Variants in NCALD observed in about 807,000 individuals in gnomAD.
NCALD encodes the protein neurocalcin delta.
In NCALD, 10 loss-of-function variants were observed where a neutral mutation model predicts 18.6. The ratio of observed to expected loss-of-function variants is 0.54; its 90% CI spans 0.33 to 0.91. The LOEUF is 0.91. Among genes scored for constraint, NCALD ranks in the 40% least tolerant of loss-of-function variants. The probability of loss-of-function intolerance (pLI) is 0.03; values close to 1 mark genes in which losing one functional copy is unlikely to be tolerated. For synonymous variants in NCALD, 88 were observed against 87.4 expected (o/e 1.01, Z -0.04); for missense variants, 184 against 247.6 (o/e 0.74, Z 1.72).
At chr8:102,114,472 T>A (rs1402700146) in intron 1 of NCALD, among the ~76,000 whole-genome samples, 2 of 151,944 alleles carry the variant, frequency 1.3e-5, no homozygotes, top group Non-Finnish European at 2.9e-5. Flanking sequence ...AGGAAAGCAA[T>A]GAAGGATGAT....
At chr8:102,031,354 A>G (rs1356558630) in intron 1 of NCALD, among the ~76,000 whole-genome samples, 2 of 152,350 alleles carry the variant, frequency 1.3e-5, no homozygotes, top group East Asian at 3.9e-4. Context: ...GAACTAAGCT[A>G]TAGTACCTAG....
At chr8:101,741,375 C>A (rs145605908) in intron 1 of NCALD, among the ~76,000 whole-genome samples, 2 of 152,284 alleles carry the variant, frequency 1.3e-5, no homozygotes, top group East Asian at 3.9e-4. Context: ...TCAGCAAACA[C>A]AGCTCCATAG....
At chr8:102,031,068 A>T (rs1166915469) in intron 1 of NCALD, among the ~76,000 whole-genome samples, 1 of 152,174 alleles carries the variant, frequency 6.6e-6, no homozygotes, top group Non-Finnish European at 1.5e-5. Context: ...CACAAATGTT[A>T]TGTGCTTCCT....
At chr8:101,804,606 T>TTAATTATATAATATATAATTAATA (rs1813021868) in intron 4 of NCALD, among the ~76,000 whole-genome samples, 1 of 131,172 alleles carries the variant, frequency 7.6e-6, no homozygotes, top group Non-Finnish European at 1.5e-5. Context: ...ATTAATATAA[T>TTAATTATATAATATATAATTAATA]TAATTATATA....
chr8:102,041,215 G>A (rs1052131393), intron 1 of NCALD, among the ~76,000 whole-genome samples: 1 of 152,144 alleles, frequency 6.6e-6, no homozygotes, highest in Non-Finnish European at 1.5e-5. Context: ...AGTGACACAT[G>A]CCCAATGTCC....
At chr8:101,732,897 C>A (rs1321498547) in intron 1 of NCALD, among the ~76,000 whole-genome samples, 1 of 152,118 alleles carries the variant, frequency 6.6e-6, no homozygotes, top group Non-Finnish European at 1.5e-5. Context: ...AGCCACCATG[C>A]CCAGTCTGGA....
At chr8:102,118,803 A>G (rs558488949) in intron 1 of NCALD, among the ~76,000 whole-genome samples, 3 of 152,204 alleles carry the variant, frequency 2.0e-5, no homozygotes, top group East Asian at 1.9e-4. Flanking sequence ...CAAATATCCA[A>G]TGGTTCCCCA....
At chr8:101,875,200 G>A (rs757023292) in intron 4 of NCALD, among the ~76,000 whole-genome samples, 12 of 152,168 alleles carry the variant, frequency 7.9e-5, no homozygotes, top group Non-Finnish European at 1.6e-4. Context: ...TGATCAGAGA[G>A]GTAAAGTCAT....
At chr8:102,110,131 G>A (rs969940261) in intron 1 of NCALD, among the ~76,000 whole-genome samples, 10 of 152,206 alleles carry the variant, frequency 6.6e-5, no homozygotes, top group Non-Finnish European at 1.3e-4. Flanking sequence ...CTCCCTGGAA[G>A]AGGAAACGAG....
intron 1 of NCALD, among the ~76,000 whole-genome samples, chr8:102,027,817 C>T (rs926768473): frequency 6.6e-6 from 1 of 152,160 alleles, no homozygotes; most frequent in African/African-American, 2.4e-5. Context: ...GAAGTGGAAG[C>T]AAACACACCC....
chr8:102,019,391 C>T (rs143031801), intron 2 of NCALD, among the ~76,000 whole-genome samples: 1 of 152,032 alleles, frequency 6.6e-6, no homozygotes, highest in African/African-American at 2.4e-5. Flanking sequence ...TGAACATATG[C>T]CTGCCTTATG....
intron 3 of NCALD, among the ~76,000 whole-genome samples, chr8:101,901,671 T>C (rs1330538509): frequency 6.6e-6 from 1 of 152,180 alleles, no homozygotes; most frequent in Admixed American, 6.5e-5. Flanking sequence ...TCTACGTACA[T>C]CAAGAACTAC....
chr8:101,878,870 C>T (rs1054651900), intron 4 of NCALD, among the ~76,000 whole-genome samples: 5 of 152,066 alleles, frequency 3.3e-5, no homozygotes, highest in East Asian at 1.9e-4. Flanking sequence ...TGCTGTTATG[C>T]GACGGTCAAT....
intron 2 of NCALD, among the ~76,000 whole-genome samples, chr8:101,954,805 T>C (rs927500461): frequency 5.3e-5 from 8 of 152,214 alleles, no homozygotes; most frequent in African/African-American, 1.9e-4. Flanking sequence ...GAATCATCAT[T>C]ATCATCATCA....
rs112849937 is a variant in NCALD at position 101,742,562 on chromosome 8, A to T, written c.-19-22914T>A. ...AGCACAGTAAAATACTAGAATTAACACAACAGTGATCAAATCTGAGTTGAA... is the reference window on the plus strand; with the variant it reads ...AGCACAGTAAAATACTAGAATTAACTCAACAGTGATCAAATCTGAGTTGAA... On this transcript the variant is annotated intron_variant, in intron 1 of 3. Coordinates refer to ENST00000220931, the MANE Select transcript of NCALD (RefSeq NM_032041.3). Among the ~76,000 whole-genome samples, 733 of 152,382 alleles carry T rather than the reference A, an allele frequency of 4.8e-3. 2 individuals carry two copies. The highest frequency in any genetic ancestry group is 8.2e-3 in the Non-Finnish European group (561 of 68,032).
chr8:101,886,667 T>G (rs1330674038), intron 4 of NCALD, among the ~76,000 whole-genome samples: 2 of 152,182 alleles, frequency 1.3e-5, no homozygotes, highest in African/African-American at 4.8e-5. Flanking sequence ...CTGCCCTAAT[T>G]ATACTATAAT....
chr8:102,119,798 A>G (rs1196827906), intron 1 of NCALD, among the ~76,000 whole-genome samples: 1 of 152,196 alleles, frequency 6.6e-6, no homozygotes, highest in Admixed American at 6.5e-5. Context: ...ATAAATTCCT[A>G]AAGACAGGGG....
intron 2 of NCALD, among the ~76,000 whole-genome samples, chr8:101,987,585 T>C (rs1304656178): frequency 4.6e-5 from 7 of 152,196 alleles, no homozygotes; most frequent in Non-Finnish European, 7.3e-5. Context: ...GCAGGATGTG[T>C]ACATTTACTT....
chr8:102,121,493 C>G (rs1173130452), intron 1 of NCALD, among the ~76,000 whole-genome samples: 1 of 152,054 alleles, frequency 6.6e-6, no homozygotes, highest in Non-Finnish European at 1.5e-5. Context: ...GTTATCATAC[C>G]AATACCAGGC....
Sources: allele counts gnomAD v4.1 joint callset (sites outside exome capture counted in the v4.1 genomes callset), GRCh38; gene constraint gnomAD v4.1.1; transcripts MANE v1.5; gene names NCBI Gene and HGNC (gene_info 2026-07-23, HGNC 2026-07-21).